DRC11: variants seen among roughly 807,000 people sequenced by gnomAD.
DRC11 encodes dynein regulatory complex subunit 11, also known as IQ and AAA domain-containing protein 1.
the DRC11 span, among the ~76,000 whole-genome samples, chr2:236,355,868 C>T: frequency 1.3e-5 from 2 of 152,070 alleles, no homozygotes; most frequent in African/African-American, 4.8e-5. Context: ...TTATGAACTA[C>T]AGAAATTGGC....
At chr2:236,402,799 A>G in the DRC11 span, among the ~76,000 whole-genome samples, 1 of 152,214 alleles carries the variant, frequency 6.6e-6, no homozygotes, top group African/African-American at 2.4e-5. This position sits in a 1 kb window ranked among gnomAD's most constrained non-coding sequence, Gnocchi z 6.0. Context: ...ATTAGAGAAA[A>G]GCCTGCAAGA....
At chr2:236,456,943 A>G in the DRC11 span, among the ~76,000 whole-genome samples, 2 of 152,180 alleles carry the variant, frequency 1.3e-5, no homozygotes, top group Admixed American at 1.3e-4. This position sits in a 1 kb window ranked among gnomAD's most constrained non-coding sequence, Gnocchi z 5.4. Flanking sequence ...GGAGATGAGG[A>G]GAGGCTGCTG....
the DRC11 span, among the ~76,000 whole-genome samples, chr2:236,420,637 G>C: frequency 6.6e-6 from 1 of 151,904 alleles, no homozygotes; most frequent in Non-Finnish European, 1.5e-5. The surrounding 1 kb of genome is among the most constrained non-coding windows in gnomAD (Gnocchi z 4.8). Context: ...GAAACCCCAT[G>C]TCTACAAAAA....
chr2:236,369,910 T>A, the DRC11 span, among the ~76,000 whole-genome samples: 3 of 152,012 alleles, frequency 2.0e-5, no homozygotes, highest in Non-Finnish European at 4.4e-5. This position sits in a 1 kb window ranked among gnomAD's most constrained non-coding sequence, Gnocchi z 4.5. Context: ...GGCGTGAAAA[T>A]GCCAGGAAAC....
the DRC11 span, among the ~76,000 whole-genome samples, chr2:236,495,058 AGCAGGCAGGCGT>A: frequency 2.6e-5 from 4 of 152,240 alleles, no homozygotes; most frequent in Non-Finnish European, 4.4e-5. This position sits in a 1 kb window ranked among gnomAD's most constrained non-coding sequence, Gnocchi z 5.6. Flanking sequence ...AATTATAGTT[AGCAGGCAGGCGT>A]GGTGGCTCAT....
the DRC11 span, among the ~76,000 whole-genome samples, chr2:236,386,321 T>G: frequency 2.0e-5 from 3 of 151,880 alleles, no homozygotes; most frequent in Non-Finnish European, 4.4e-5. Flanking sequence ...AAGCTATTGA[T>G]TATTGCCACA....
At chr2:236,416,708 C>CATATAT in the DRC11 span, among the ~76,000 whole-genome samples, 3 of 74,576 alleles carry the variant, frequency 4.0e-5, no homozygotes, top group African/African-American at 1.4e-4. Context: ...TATTTATTTA[C>CATATAT]ATATATATAT....
chr2:236,456,339 C>A, the DRC11 span, among the ~76,000 whole-genome samples: 1 of 152,162 alleles, frequency 6.6e-6, no homozygotes, highest in East Asian at 1.9e-4. The surrounding 1 kb of genome is among the most constrained non-coding windows in gnomAD (Gnocchi z 5.4). Flanking sequence ...GTCACGCAGC[C>A]CGCAAGTGAT....
the DRC11 span, chr2:236,367,453 C>T: frequency 1.3e-5 from 2 of 151,844 alleles, no homozygotes; most frequent in Non-Finnish European, 2.9e-5. The surrounding 1 kb of genome is among the most constrained non-coding windows in gnomAD (Gnocchi z 4.8). Context: ...AGGGTTTGAA[C>T]TACTCCCATC....
chr2:236,481,931 A>C, the DRC11 span, among the ~76,000 whole-genome samples: 1 of 148,972 alleles, frequency 6.7e-6, no homozygotes, highest in East Asian at 2.0e-4. Flanking sequence ...TATTATATGT[A>C]TAATTCTATG....
the DRC11 span, among the ~76,000 whole-genome samples, chr2:236,489,713 G>T: frequency 6.6e-6 from 1 of 152,136 alleles, no homozygotes; most frequent in African/African-American, 2.4e-5. Flanking sequence ...CTTGAGTCCA[G>T]GAATTTTAAG....
chr2:236,466,356 T>C, the DRC11 span, among the ~76,000 whole-genome samples: 1 of 152,244 alleles, frequency 6.6e-6, no homozygotes, highest in Non-Finnish European at 1.5e-5. Flanking sequence ...CTGCAATTAA[T>C]TTTGAAAAGC....
chr2:236,317,580 G>T, the DRC11 span, among the ~76,000 whole-genome samples: 1 of 152,202 alleles, frequency 6.6e-6, no homozygotes, highest in Admixed American at 6.5e-5. This position sits in a 1 kb window ranked among gnomAD's most constrained non-coding sequence, Gnocchi z 5.4. Context: ...GTGATTAGGA[G>T]AAGGGCTTCT....
At chr2:236,402,717 T>A in the DRC11 span, among the ~76,000 whole-genome samples, 2 of 152,180 alleles carry the variant, frequency 1.3e-5, no homozygotes, top group South Asian at 2.1e-4. This position sits in a 1 kb window ranked among gnomAD's most constrained non-coding sequence, Gnocchi z 6.0. Flanking sequence ...AGCTCTCTGG[T>A]AAGAAAGTCC....
chr2:236,349,717 C>G, the DRC11 span, among the ~76,000 whole-genome samples: 1 of 152,146 alleles, frequency 6.6e-6, no homozygotes, highest in Non-Finnish European at 1.5e-5. The surrounding 1 kb of genome is among the most constrained non-coding windows in gnomAD (Gnocchi z 5.5). Flanking sequence ...GCACTGGGGC[C>G]TCCTTGAGGG....
the DRC11 span, among the ~76,000 whole-genome samples, chr2:236,453,571 C>A: frequency 6.6e-6 from 1 of 152,224 alleles, no homozygotes; most frequent in Non-Finnish European, 1.5e-5. The surrounding 1 kb of genome is among the most constrained non-coding windows in gnomAD (Gnocchi z 4.9). Flanking sequence ...TCTTACTTCC[C>A]CAGCTACGGT....
chr2:236,422,416 CAGAG>C, the DRC11 span, among the ~76,000 whole-genome samples: 1 of 152,154 alleles, frequency 6.6e-6, no homozygotes, highest in Admixed American at 6.5e-5. Flanking sequence ...CAATAACAAA[CAGAG>C]AGCCAAATCA....
At chr2:236,334,191 T>C in the DRC11 span, among the ~76,000 whole-genome samples, 1 of 152,228 alleles carries the variant, frequency 6.6e-6, no homozygotes, top group African/African-American at 2.4e-5. This position sits in a 1 kb window ranked among gnomAD's most constrained non-coding sequence, Gnocchi z 7.8. Context: ...CTGCAGCTGA[T>C]GAACTCGAGC....
the DRC11 span, chr2:236,507,402 AC>A: frequency 1.2e-6 from 1 of 849,234 alleles, no homozygotes; most frequent in Non-Finnish European, 2.0e-6. Flanking sequence ...GGAGGGAGAA[AC>A]CAGGACTGCG....
Sources: gnomAD v4.1 joint callset for allele counts (sites outside exome capture counted in the v4.1 genomes callset) on GRCh38, gnomAD v4.1.1 for gene constraint, Gnocchi (gnomAD v3.1) non-coding constraint, MANE v1.5 for transcripts, NCBI Gene and HGNC (gene_info 2026-07-23, HGNC 2026-07-21) for gene names.